The following ACSM5 variants were observed in gnomAD, a reference collection of about 807,000 sequenced individuals.
The protein encoded by ACSM5 is acyl-CoA synthetase medium chain family member 5.
A neutral mutation model predicts 71.6 loss-of-function variants in ACSM5; 56 were observed. The observed-to-expected ratio is 0.78, with a 90% confidence interval of 0.63 to 0.98. The LOEUF is 0.98. Ranked by LOEUF, ACSM5 falls within the 50% of genes least tolerant of loss-of-function variation. ACSM5 has a pLI of 0.00. For missense variants in ACSM5, 723 were observed against 726.0 expected (o/e 1.00, Z 0.05); for synonymous variants, 285 against 281.5 (o/e 1.01, Z -0.12).
Position 20,425,549 on chromosome 16 carries a change from C to T in ACSM5, c.921+1480C>T, listed in dbSNP as rs143287996. Reference sequence around the variant, plus strand: ...CATCACCTGAGCAGTATACACTGCACCCAATTTGTAGTCTTTTATCCCTCA... The same window carrying T: ...CATCACCTGAGCAGTATACACTGCATCCAATTTGTAGTCTTTTATCCCTCA... On this transcript the variant is annotated intron_variant, in intron 6 of 13. Transcript: ENST00000331849. Among the ~76,000 whole-genome samples, 1,450 of 152,228 alleles carry T rather than the reference C, an allele frequency of 9.5e-3. 6 individuals are homozygous for T. The highest frequency in any genetic ancestry group is 0.015 in the Non-Finnish European group (1,053 of 68,020).
chr16:20,440,856 C>T lies in ACSM5; in HGVS notation c.*429C>T, dbSNP rs1490595650. 2 of 155,330 alleles carry T rather than the reference C, an allele frequency of 1.3e-5. No individual in the cohort carries two copies. Among genetic ancestry groups the T allele is most frequent in the Non-Finnish European group, 2.9e-5 (2 of 70,128 alleles). 9.6% of individuals were successfully genotyped at this position (155,330 alleles called of 1,614,324 possible). On this transcript the variant is annotated 3_prime_UTR_variant, in exon 14 of 14. Coordinates refer to ENST00000331849, the MANE Select transcript of ACSM5 (RefSeq NM_017888.3). The stretch of plus-strand genomic sequence containing the variant: ...TATGCAGGAACATAAAATAAAATAT[C>T]CTTTAGCTCAGAAATTCTATCTTCG...
At position 20,429,273 on chromosome 16, in the gene ACSM5, A is replaced by G. The variant is rs547710045; in HGVS notation, c.1002-405A>G. 1.8e-4 allele frequency among the ~76,000 whole-genome samples: 28 copies of G among 152,266 alleles called. No individual in the cohort carries two copies. The South Asian group carries it at 5.8e-3, about 32-fold the overall frequency. ...AGCAATCTGCCCACCTAGGCCTCCC[A>G]AAGTGCTGGGACTACAGGTGTGAGC... On this transcript the variant is annotated intron_variant, in intron 7 of 13. Transcript: ENST00000331849.
intron 10 of ACSM5, among the ~76,000 whole-genome samples, chr16:20,433,730 A>G (rs1352606262): frequency 6.6e-6 from 1 of 152,178 alleles, no homozygotes; most frequent in African/African-American, 2.4e-5. Context: ...GCTGGAGTGC[A>G]GTGGCACAAT....
rs376577294 is a variant in ACSM5, at chr16:20,419,800, T to C, written c.623+365T>C. 1,299 of 332,640 alleles carry C rather than the reference T, an allele frequency of 3.9e-3. 17 individuals are homozygous for C. Among genetic ancestry groups the C allele is most frequent in the African/African-American group, 0.025 (1,161 of 46,942 alleles). 20.6% of individuals were successfully genotyped at this position (332,640 alleles called of 1,614,324 possible). ...ATTGGGTACTTAGTGTATCGCTAGA[T>C]ACTGTGCTATGTAAGCCTTCACCTT... is the stretch of plus-strand genomic sequence containing the variant. On this transcript the variant is annotated intron_variant, in intron 4 of 13. Transcript: ENST00000331849.
At chr16:20,434,777 T>G (rs1967162001) in intron 10 of ACSM5, among the ~76,000 whole-genome samples, 1 of 152,248 alleles carries the variant, frequency 6.6e-6, no homozygotes, top group African/African-American at 2.4e-5. Context: ...TCACTTACTC[T>G]GTCTCTGTAC....
chr16:20,430,932 A>G (rs1478447329), intron 8 of ACSM5, 61 bp from the exon 9 acceptor site: 2 of 1,264,800 alleles, frequency 1.6e-6, no homozygotes, highest in Admixed American at 2.1e-5. Flanking sequence ...AGAGAAAGGC[A>G]TGGCCCAGGA....
In ACSM5 at chr16:20,413,492, G is replaced by T. The variant is rs1158545323; in HGVS notation, c.204+1804G>T. Among the ~76,000 whole-genome samples, 3 of 152,256 alleles carry T rather than the reference G, an allele frequency of 2.0e-5. No individual in the cohort carries two copies. In the East Asian group the frequency reaches 5.8e-4, roughly 29 times the overall value. On this transcript the variant is annotated intron_variant, in intron 2 of 13. Transcript: ENST00000331849. ...ACCAATGAGAAAAGCCTTTTCCCTG[G>T]GGGTTTTTGTCCAAAACAATCACAG...
chr16:20,439,827 C>A lies in ACSM5; in HGVS notation c.1564C>A (p.Pro522Thr). ...GGTAAAGGCATTTATAGTCCTTACT[C>A]CAGCCTACTCCTCTCATGACCCAGA... is the stretch of plus-strand genomic sequence containing the variant. ...EVVKAFIVLT[P>T]AYSSHDPEAL... The change falls in exon 13 of 14, where the codon CCA becomes ACA. Residue 522 changes from proline (P) to threonine (T), a missense_variant. Coordinates refer to ENST00000331849, the MANE Select transcript of ACSM5 (RefSeq NM_017888.3). The A allele has an allele frequency of 1.2e-6, 2 of 1,606,460 alleles. No individual in the cohort carries two copies. The highest frequency in any genetic ancestry group is 8.5e-7 in the Non-Finnish European group (1 of 1,173,718).
At chr16:20,437,720 G>T (rs1256129057) in intron 12 of ACSM5, among the ~76,000 whole-genome samples, 2 of 149,908 alleles carry the variant, frequency 1.3e-5, no homozygotes, top group Non-Finnish European at 3.0e-5. Context: ...ACCAGTAATA[G>T]TTGCTGATGG....
chr16:20,430,580 T>G (rs1967073367), intron 8 of ACSM5, among the ~76,000 whole-genome samples: 1 of 121,170 alleles, frequency 8.3e-6, no homozygotes, highest in African/African-American at 3.2e-5. Flanking sequence ...AGGGAGGAAA[T>G]AAAGGAAAGA....
At chr16:20,430,311 CT>C (rs1967069543) in intron 8 of ACSM5, among the ~76,000 whole-genome samples, 1 of 151,770 alleles carries the variant, frequency 6.6e-6, no homozygotes, top group Non-Finnish European at 1.5e-5. Flanking sequence ...GCCCTCACTG[CT>C]GAAGGCATTG....
At chr16:20,438,425 C>T (rs1967245747) in intron 12 of ACSM5, among the ~76,000 whole-genome samples, 1 of 151,756 alleles carries the variant, frequency 6.6e-6, no homozygotes, top group Admixed American at 6.6e-5. Context: ...GGGAATGCAG[C>T]CCAGAGAATC....
chr16:20,431,371 AT>A, intron 10 of ACSM5, 50 bp downstream of exon 10: 1 of 1,381,154 alleles, frequency 7.2e-7, no homozygotes, highest in Non-Finnish European at 1.0e-6. Flanking sequence ...TGTGCTAAGC[AT>A]TGTGCACCAC....
intron 10 of ACSM5, among the ~76,000 whole-genome samples, chr16:20,436,118 T>TTCTCTCTC (rs1202705042): frequency 1.1e-5 from 1 of 93,856 alleles, no homozygotes; most frequent in Non-Finnish European, 2.2e-5. Context: ...CTTTTTCTCT[T>TTCTCTCTC]TCTTTCCTTC....
At chr16:20,424,576 G>C (rs1211828910) in intron 6 of ACSM5, among the ~76,000 whole-genome samples, 1 of 152,192 alleles carries the variant, frequency 6.6e-6, no homozygotes, top group Non-Finnish European at 1.5e-5. Flanking sequence ...TAAAATGTCA[G>C]AGGACACTTC....
chr16:20,434,101 G>A (rs1057138636), intron 10 of ACSM5, among the ~76,000 whole-genome samples: 1 of 151,876 alleles, frequency 6.6e-6, no homozygotes, highest in Non-Finnish European at 1.5e-5. Context: ...TATTTTTGTT[G>A]AACAGAAGCA....
chr16:20,438,190 A>C (rs1408811564), intron 12 of ACSM5, among the ~76,000 whole-genome samples: 3 of 151,958 alleles, frequency 2.0e-5, no homozygotes, highest in East Asian at 1.9e-4. Flanking sequence ...GCTAACAGGC[A>C]GACTTAGGTA....
At chr16:20,435,934 T>C (rs1180558683) in intron 10 of ACSM5, among the ~76,000 whole-genome samples, 9 of 133,594 alleles carry the variant, frequency 6.7e-5, no homozygotes, top group East Asian at 6.0e-4. Context: ...TTCTTTCTTT[T>C]CTTTCCTTCC....
chr16:20,435,302 G>A (rs1393070077), intron 10 of ACSM5, among the ~76,000 whole-genome samples: 2 of 152,104 alleles, frequency 1.3e-5, no homozygotes, highest in Non-Finnish European at 2.9e-5. Flanking sequence ...CGAAGTGCTG[G>A]GATTATAGGC....
Sources: allele counts gnomAD v4.1 joint callset (sites outside exome capture counted in the v4.1 genomes callset), GRCh38; gene constraint gnomAD v4.1.1; transcripts MANE v1.5; gene names NCBI Gene and HGNC (gene_info 2026-07-23, HGNC 2026-07-21).